The following DTNBP1 variants were observed in gnomAD, a reference collection of about 807,000 sequenced individuals.
DTNBP1 encodes dysbindin.
In DTNBP1, 35 loss-of-function variants were observed where a neutral mutation model predicts 42.8. That is an observed-to-expected ratio of 0.82 (90% confidence interval 0.63 to 1.09). The LOEUF is 1.09. Among genes scored for constraint, DTNBP1 ranks in the 50% least tolerant of loss-of-function variants. The pLI is 0.00. For synonymous variants in DTNBP1, 171 were observed against 162.2 expected (o/e 1.05, Z -0.41); for missense variants, 457 against 424.2 (o/e 1.08, Z -0.68).
At chr6:15,635,371 AG>A (rs746667685) in intron 4 of DTNBP1, among the ~76,000 whole-genome samples, 17 of 152,194 alleles carry the variant, frequency 1.1e-4, no homozygotes, top group Non-Finnish European at 2.2e-4. Flanking sequence ...CACCCGCCTC[AG>A]CCTCCCCAAA....
At chr6:15,530,383 C>G (rs1257274794) in intron 8 of DTNBP1, among the ~76,000 whole-genome samples, 2 of 152,154 alleles carry the variant, frequency 1.3e-5, no homozygotes, top group African/African-American at 4.8e-5. Context: ...CTTTCAAAAC[C>G]ATATATTGGC....
rs73724444 is a variant in DTNBP1 at position 15,593,295 on chromosome 6, C to T, written c.489-214G>A. Among the ~76,000 whole-genome samples the T allele has an allele frequency of 9.9e-5, 15 of 152,228 alleles. No individual in the cohort carries two copies. The South Asian group carries it at 1.5e-3, about 15-fold the overall frequency. On this transcript the variant is annotated intron_variant, in intron 6 of 9. Transcript: ENST00000344537. ...TTTCTGCTATTTTCTATTAATGGCT[C>T]AAAAAAGTTCCACCAGAATCCAAAT... is the stretch of plus-strand genomic sequence containing the variant.
chr6:15,621,307 T>C (rs1759026388), intron 5 of DTNBP1, among the ~76,000 whole-genome samples: 1 of 152,254 alleles, frequency 6.6e-6, no homozygotes, highest in Admixed American at 6.5e-5. Context: ...CAGATGGCAA[T>C]TTCCATTTAG....
intron 6 of DTNBP1, among the ~76,000 whole-genome samples, chr6:15,608,796 T>G (rs1291945955): frequency 2.0e-5 from 3 of 152,260 alleles, no homozygotes; most frequent in African/African-American, 7.2e-5. Flanking sequence ...AAGTTGATGT[T>G]CCTTTTGATT....
At chr6:15,655,351 A>G (rs1281162042) in intron 1 of DTNBP1, among the ~76,000 whole-genome samples, 1 of 152,020 alleles carries the variant, frequency 6.6e-6, no homozygotes, top group Non-Finnish European at 1.5e-5. Context: ...TCTTGAACTC[A>G]TGGGCTCAAG....
intron 3 of DTNBP1, among the ~76,000 whole-genome samples, chr6:15,641,746 G>T (rs1279227056): frequency 6.6e-6 from 1 of 152,080 alleles, no homozygotes; most frequent in Non-Finnish European, 1.5e-5. Flanking sequence ...ACACCTCACA[G>T]ACCACTCTAA....
intron 6 of DTNBP1, among the ~76,000 whole-genome samples, chr6:15,606,244 A>G (rs1758042856): frequency 1.3e-5 from 2 of 152,224 alleles, no homozygotes; most frequent in South Asian, 4.1e-4. Context: ...ATAATGGGTC[A>G]CAGTCCTGTT....
chr6:15,544,145 A>G (rs1773739436), intron 7 of DTNBP1, among the ~76,000 whole-genome samples: 1 of 152,156 alleles, frequency 6.6e-6, no homozygotes, highest in Non-Finnish European at 1.5e-5. Flanking sequence ...ATGTTATTTC[A>G]TATGTTATGT....
intron 5 of DTNBP1, among the ~76,000 whole-genome samples, chr6:15,622,121 T>G (rs1401017922): frequency 6.6e-6 from 1 of 152,234 alleles, no homozygotes; most frequent in Non-Finnish European, 1.5e-5. Flanking sequence ...TACTCTAACA[T>G]GTAAAATAAC....
At chr6:15,659,274 C>T (rs1562019413) in intron 1 of DTNBP1, among the ~76,000 whole-genome samples, 1 of 152,198 alleles carries the variant, frequency 6.6e-6, no homozygotes. Context: ...TGAAAATGAT[C>T]ACAGAAGCTC....
At chr6:15,621,880 C>T (rs901762271) in intron 5 of DTNBP1, among the ~76,000 whole-genome samples, 2 of 152,186 alleles carry the variant, frequency 1.3e-5, no homozygotes, top group Admixed American at 1.3e-4. Flanking sequence ...TGGCAGCCCG[C>T]CCTCCTCCCA....
intron 8 of DTNBP1, 128 bp from the exon 9 acceptor site, chr6:15,524,797 C>T (rs1772250546): frequency 1.3e-5 from 18 of 1,406,874 alleles, no homozygotes; most frequent in South Asian, 1.0e-4. Context: ...TTTGAAGCAA[C>T]GTATTAGTAG....
In DTNBP1 at chr6:15,587,698, G is replaced by GC. The variant is rs1461368061; in HGVS notation, c.511+5360dup. Among the ~76,000 whole-genome samples the GC allele has an allele frequency of 6.6e-6, 1 of 152,182 alleles. No individual in the cohort carries two copies. The highest frequency in any genetic ancestry group is 2.4e-5 in the African/African-American group (1 of 41,434). ...TGAGGGAGACTTCGGGCATGGTGCAGCCTAGAGCCCCAAGGTCTGCCAAAA... is the reference window on the plus strand; with the variant it reads ...TGAGGGAGACTTCGGGCATGGTGCAGCCCTAGAGCCCCAAGGTCTGCCAAAA... On this transcript the variant is annotated intron_variant, in intron 7 of 9. Transcript: ENST00000344537. The surrounding 1 kb of genome is among the most constrained non-coding windows in gnomAD (Gnocchi z 4.1).
chr6:15,642,434 C>T (rs1760426259), intron 3 of DTNBP1, among the ~76,000 whole-genome samples: 1 of 152,210 alleles, frequency 6.6e-6, no homozygotes, highest in Admixed American at 6.5e-5. Context: ...CCGCCACCAT[C>T]CCCTGCCCAC....
chr6:15,577,319 C>T (rs1304007986), intron 7 of DTNBP1, among the ~76,000 whole-genome samples: 1 of 152,114 alleles, frequency 6.6e-6, no homozygotes, highest in Non-Finnish European at 1.5e-5. Context: ...GAGTTTGGCA[C>T]GAGGAGGTGA....
chr6:15,533,301 G>A lies in DTNBP1; in HGVS notation c.606C>T (p.Ala202=). Residue 202 remains alanine (A), a synonymous_variant, in exon 8 of 10, where the codon GCC becomes GCT. Transcript: ENST00000344537. ...LKERQKFFEE[A]FQQDMEQYLS... ...GGTACTGCTCCATGTCCTGCTGGAAGGCTTCCTCAAAAAACTTCTGCCGCT... is the reference window on the plus strand; with the variant it reads ...GGTACTGCTCCATGTCCTGCTGGAAAGCTTCCTCAAAAAACTTCTGCCGCT... 1 of 1,614,194 alleles carries A rather than the reference G, an allele frequency of 6.2e-7. No homozygotes were observed.
At chr6:15,532,084 G>A (rs945414656) in intron 8 of DTNBP1, among the ~76,000 whole-genome samples, 3 of 152,186 alleles carry the variant, frequency 2.0e-5, no homozygotes, top group South Asian at 2.1e-4. Flanking sequence ...CTGAGATTTG[G>A]GGGGTGAGGG....
At chr6:15,635,005 T>C (rs919168500) in intron 4 of DTNBP1, among the ~76,000 whole-genome samples, 1 of 152,242 alleles carries the variant, frequency 6.6e-6, no homozygotes, top group Non-Finnish European at 1.5e-5. Context: ...TGAGTATGTC[T>C]TGCTTTTACT....
intron 6 of DTNBP1, among the ~76,000 whole-genome samples, chr6:15,612,834 T>C (rs1758488992): frequency 1.3e-5 from 2 of 152,230 alleles, no homozygotes; most frequent in Admixed American, 1.3e-4. Flanking sequence ...ATTATAAACA[T>C]ATTTCCATGC....
Sources: gnomAD v4.1 joint callset for allele counts (sites outside exome capture counted in the v4.1 genomes callset) on GRCh38, gnomAD v4.1.1 for gene constraint, Gnocchi (gnomAD v3.1) non-coding constraint, MANE v1.5 for transcripts, NCBI Gene and HGNC (gene_info 2026-07-23, HGNC 2026-07-21) for gene names.